The following PAXIP1 variants were observed in gnomAD, a reference collection of about 807,000 sequenced individuals.
The protein encoded by PAXIP1 is PAX-interacting protein 1.
PAXIP1 carries 19 observed loss-of-function variants against 140.6 expected under a neutral mutation model. The ratio of observed to expected loss-of-function variants is 0.14; its 90% confidence interval spans 0.09 to 0.20. PAXIP1 has a LOEUF of 0.20. PAXIP1 is among the 10% of genes least tolerant of loss of function. The probability of loss-of-function intolerance (pLI) is 1.00; values close to 1 mark genes in which losing one functional copy is unlikely to be tolerated. For missense variants in PAXIP1, 920 were observed against 1,208.6 expected, an observed-to-expected ratio of 0.76 and a Z score of 3.54; for synonymous variants, 442 against 444.6, an observed-to-expected ratio of 0.99 and a Z score of 0.07.
intron 2 of PAXIP1, among the ~76,000 whole-genome samples, chr7:154,995,249 G>C (rs1457486393): frequency 6.6e-6 from 1 of 152,214 alleles, no homozygotes; most frequent in Non-Finnish European, 1.5e-5. Context: ...TGTGACCACA[G>C]GTGTGTTCTC....
intron 2 of PAXIP1, among the ~76,000 whole-genome samples, chr7:154,995,514 A>G (rs1399292738): frequency 6.6e-6 from 1 of 152,238 alleles, no homozygotes; most frequent in Non-Finnish European, 1.5e-5. Context: ...ACAAAAGCAA[A>G]GTGATAAGGA....
chr7:154,989,936 C>T (rs905230004), intron 4 of PAXIP1, among the ~76,000 whole-genome samples: 2 of 151,960 alleles, frequency 1.3e-5, no homozygotes, highest in East Asian at 1.9e-4. Flanking sequence ...GTGGATGATC[C>T]GATTGTTTCC....
rs904760783 is a variant in PAXIP1 at position 154,956,615 on chromosome 7, T to G, written c.2549+609A>C. ...CACTAAAATGATATGCATCTCAATC[T>G]GCATACTCCAAGCCAAAACCCAACA... On this transcript the variant is annotated intron_variant, in intron 14 of 20. Coordinates refer to ENST00000404141, the MANE Select transcript of PAXIP1 (RefSeq NM_007349.4). The surrounding 1 kb of genome is among the most constrained non-coding windows in gnomAD (Gnocchi z 4.2). The G allele has an allele frequency of 6.6e-6, 1 of 152,264 alleles. No homozygotes were observed. The highest frequency in any genetic ancestry group is 1.5e-5 in the Non-Finnish European group (1 of 68,074). 9.4% of individuals were successfully genotyped at this position (152,264 alleles called of 1,614,324 possible). A position where few individuals can be genotyped will look rare whatever the true frequency, so the allele number is the denominator to read the frequency against.
At chr7:154,978,288 T>C (rs918676778) in intron 5 of PAXIP1, among the ~76,000 whole-genome samples, 1 of 152,332 alleles carries the variant, frequency 6.6e-6, no homozygotes, top group African/African-American at 2.4e-5. Flanking sequence ...GTTTCACTAC[T>C]ATGAAAAACT....
intron 20 of PAXIP1, chr7:154,945,647 C>G (rs1807929931): frequency 1.0e-6 from 1 of 985,270 alleles, no homozygotes; most frequent in Non-Finnish European, 1.2e-6. Context: ...TTGCAGGAGG[C>G]CCAGGGAGAA....
Position 154,945,990 on chromosome 7 carries a change from T to C in PAXIP1, c.3194+375A>G, listed in dbSNP as rs985676938. 3.2e-5 allele frequency: 32 copies of C among 985,020 alleles called. No individual in the cohort carries two copies. In the Admixed American group the frequency reaches 6.8e-4, roughly 21 times the overall value. The allele number at this position is 985,020 out of a possible 1,614,324, so 61.0% of individuals were successfully genotyped here. On this transcript the variant is annotated intron_variant, in intron 20 of 20. Coordinates refer to ENST00000404141, the MANE Select transcript of PAXIP1 (RefSeq NM_007349.4). The stretch of plus-strand genomic sequence containing the variant: ...CCAAAGTTCCTGAGTACAAAGACTA[T>C]ATACGAACTAAATTTCATTTGGAAA...
Position 154,958,639 on chromosome 7 carries a change from A to G in PAXIP1, c.2478+1251T>C, listed in dbSNP as rs1808632829. ...CATTTAAGTCTCCAAATTGTCATTCATTGGTACCAAGAATAGAAACAAATG... is the reference window on the plus strand; with the variant it reads ...CATTTAAGTCTCCAAATTGTCATTCGTTGGTACCAAGAATAGAAACAAATG... On this transcript the variant is annotated intron_variant, in intron 13 of 20. Transcript: ENST00000404141. Among the ~76,000 whole-genome samples the G allele has an allele frequency of 2.0e-5, 3 of 152,298 alleles. No homozygotes were observed. In the South Asian group the frequency reaches 6.2e-4, roughly 32 times the overall value.
At chr7:154,999,104 G>T (rs142280066) in intron 1 of PAXIP1, among the ~76,000 whole-genome samples, 153 of 152,292 alleles carry the variant, frequency 1.0e-3, no homozygotes, top group Middle Eastern at 3.4e-3. Context: ...GCTGCGGTGG[G>T]GCCACGCACA....
rs1465643572 is a variant in PAXIP1 at position 154,976,082 on chromosome 7, C to A, written c.688G>T (p.Gly230Cys). The change falls in exon 6 of 21, where the codon GGT (glycine) becomes TGT (cysteine). Residue 230 changes from glycine to cysteine, a missense_variant. By Grantham distance (159) the Gly-to-Cys change is radical (BLOSUM62 -3). Coordinates refer to ENST00000404141, the MANE Select transcript of PAXIP1 (RefSeq NM_007349.4). Reference protein sequence around the residue: ...PASSQEGSPSGDQQFSPKSNT... With the variant: ...PASSQEGSPSCDQQFSPKSNT... ...GATTTAGGTGAAAACTGCTGGTCACCTGAAGGAGACCCTTCTTGAGAGCTG... is the reference window on the plus strand; with the variant it reads ...GATTTAGGTGAAAACTGCTGGTCACATGAAGGAGACCCTTCTTGAGAGCTG... 4 of 1,579,742 alleles carry A rather than the reference C, an allele frequency of 2.5e-6. No homozygotes were observed. Among genetic ancestry groups the A allele is most frequent in the East Asian group, 2.3e-5 (1 of 43,568 alleles).
intron 16 of PAXIP1, among the ~76,000 whole-genome samples, chr7:154,952,817 A>T (rs1808332182): frequency 6.6e-6 from 1 of 152,204 alleles, no homozygotes; most frequent in Non-Finnish European, 1.5e-5. Flanking sequence ...TGAATATCAT[A>T]GTTGAGGATT....
intron 16 of PAXIP1, chr7:154,951,203 T>G (rs879840671): frequency 6.6e-6 from 1 of 152,254 alleles, no homozygotes; most frequent in Admixed American, 6.5e-5. Flanking sequence ...AATGTAACTA[T>G]GGACTTCAGG....
chr7:154,969,442 C>T (rs1427186663), intron 6 of PAXIP1, among the ~76,000 whole-genome samples: 1 of 152,260 alleles, frequency 6.6e-6, no homozygotes, highest in African/African-American at 2.4e-5. Flanking sequence ...CATGGGAGTC[C>T]TGTGCACACC....
At position 154,985,433 on chromosome 7, in the gene PAXIP1, C is replaced by A. The variant is rs540719840; in HGVS notation, c.325-2101G>T. On this transcript the variant is annotated intron_variant, in intron 4 of 20. Coordinates refer to ENST00000404141, the MANE Select transcript of PAXIP1 (RefSeq NM_007349.4). ...ACCTCCTCCTGCCCATGAGCACTGC[C>A]CCCACGTGCACCTGCCGTCCTCACC... is the stretch of plus-strand genomic sequence containing the variant. 4.6e-5 allele frequency among the ~76,000 whole-genome samples: 7 copies of A among 152,252 alleles called. No homozygotes were observed. In the East Asian group the frequency reaches 1.4e-3, roughly 29 times the overall value.
Position 155,002,985 on chromosome 7 carries a change from C to T in PAXIP1, c.-56G>A, listed in dbSNP as rs1226227590. ...GCGCCCGGCCCCGCCCACCCCCCGC[C>T]CCCGGCCCCCGCGGCGCCCGGCGCC... On this transcript the variant is annotated 5_prime_UTR_variant, in exon 1 of 21. Transcript: ENST00000404141. 31 of 758,158 alleles carry T rather than the reference C, an allele frequency of 4.1e-5. No homozygotes were observed. In the African/African-American group the frequency reaches 5.4e-4, roughly 13 times the overall value. 47.0% of individuals were successfully genotyped at this position (758,158 alleles called of 1,614,324 possible).
At chr7:154,960,055 A>C (rs1808690854) in intron 12 of PAXIP1, 122 bp from the exon 13 acceptor site, 1 of 684,434 alleles carries the variant, frequency 1.5e-6, no homozygotes, top group African/African-American at 1.8e-5. Context: ...ACACTTAATA[A>C]GGATAAATGT....
At position 154,973,174 on chromosome 7, in the gene PAXIP1, T is replaced by C. The variant is rs1809411172; in HGVS notation, c.1074+2522A>G. Among the ~76,000 whole-genome samples, 1 of 152,016 alleles carries C rather than the reference T, an allele frequency of 6.6e-6. No individual in the cohort carries two copies. Among genetic ancestry groups the C allele is most frequent in the Admixed American group, 6.6e-5 (1 of 15,260 alleles). On this transcript the variant is annotated intron_variant, in intron 6 of 20. Transcript: ENST00000404141. The surrounding 1 kb of genome is among the most constrained non-coding windows in gnomAD (Gnocchi z 4.0). The stretch of plus-strand genomic sequence containing the variant: ...CTGGCCTTGCAGCTCTTGGACCTCC[T>C]CATCTTGGTGGCCTTCTCCCCATTT...
chr7:154,993,704 C>A (rs755167660), intron 3 of PAXIP1, 22 bp downstream of exon 3: 2 of 1,569,856 alleles, frequency 1.3e-6, no homozygotes, highest in South Asian at 1.2e-5. Flanking sequence ...TTCCCTCCTC[C>A]CCCACTCAAA....
chr7:154,989,975 T>G (rs1203227961), intron 4 of PAXIP1, among the ~76,000 whole-genome samples: 1 of 151,844 alleles, frequency 6.6e-6, no homozygotes, highest in African/African-American at 2.4e-5. Context: ...ATAATGCTTA[T>G]CAATAAATGT....
intron 4 of PAXIP1, among the ~76,000 whole-genome samples, chr7:154,987,302 C>G (rs1488447913): frequency 6.6e-6 from 1 of 152,166 alleles, no homozygotes; most frequent in Non-Finnish European, 1.5e-5. Context: ...AACCTATGTA[C>G]AACTATCTTC....
Sources: allele counts gnomAD v4.1 joint callset (sites outside exome capture counted in the v4.1 genomes callset), GRCh38; gene constraint gnomAD v4.1.1; non-coding constraint Gnocchi (gnomAD v3.1); transcripts MANE v1.5; gene names NCBI Gene and HGNC (gene_info 2026-07-23, HGNC 2026-07-21).